Variants in IFT80 observed in about 807,000 individuals in gnomAD.
IFT80 encodes intraflagellar transport 80, also known as intraflagellar transport protein 80 homolog.
IFT80 carries 79 observed loss-of-function variants against 107.9 expected under a neutral mutation model. That is an observed-to-expected ratio of 0.73 (90% CI 0.61 to 0.88). The LOEUF (loss-of-function observed/expected upper bound fraction) is 0.88, where lower values mean the gene tolerates loss of function less well. Among genes scored for constraint, IFT80 ranks in the 40% least tolerant of loss-of-function variants. The pLI is 0.00. For missense variants in IFT80, 797 were observed against 914.2 expected (o/e 0.87, Z 1.65); for synonymous variants, 299 against 300.9 (o/e 0.99, Z 0.07).
intron 13 of IFT80, among the ~76,000 whole-genome samples, chr3:160,283,737 C>T (rs1714878465): frequency 6.6e-6 from 1 of 152,114 alleles, no homozygotes; most frequent in Non-Finnish European, 1.5e-5. Context: ...ATATGATTCT[C>T]CTAAGAAATT....
chr3:160,376,157 ACT>A (rs1332973626), intron 4 of IFT80, among the ~76,000 whole-genome samples: 1 of 152,182 alleles, frequency 6.6e-6, no homozygotes, highest in Admixed American at 6.5e-5. Flanking sequence ...ATCTTAGAAG[ACT>A]TGTAAGTATA....
chr3:160,291,859 C>T (rs535293655), intron 12 of IFT80, among the ~76,000 whole-genome samples: 20 of 152,270 alleles, frequency 1.3e-4, no homozygotes, highest in African/African-American at 2.6e-4. Context: ...TTGGAATTGA[C>T]GAGCAAATAC....
At chr3:160,324,732 C>T (rs1010473713) in intron 8 of IFT80, among the ~76,000 whole-genome samples, 2 of 152,106 alleles carry the variant, frequency 1.3e-5, no homozygotes, top group South Asian at 2.1e-4. Flanking sequence ...GACAGGGATG[C>T]CCTCTCTCAC....
intron 1 of IFT80, among the ~76,000 whole-genome samples, chr3:160,393,519 G>A (rs1713540522): frequency 6.6e-6 from 1 of 152,176 alleles, no homozygotes; most frequent in Non-Finnish European, 1.5e-5. Context: ...GGGGCTAGGG[G>A]AAGGAAGAAT....
chr3:160,357,609 T>G (rs368839047), intron 6 of IFT80, 31 bp from the exon 7 acceptor site: 60 of 1,436,602 alleles, frequency 4.2e-5, no homozygotes, highest in Admixed American at 1.2e-4. Context: ...ATATTAATTA[T>G]AAGTTTAAAA....
At chr3:160,384,410 C>A in intron 2 of IFT80, 154 bp downstream of exon 2, 1 of 1,326,904 alleles carries the variant, frequency 7.5e-7, no homozygotes, top group East Asian at 2.9e-5. Context: ...ACTTACAACA[C>A]ATGATCTTAA....
intron 8 of IFT80, among the ~76,000 whole-genome samples, chr3:160,346,242 A>T (rs1193376215): frequency 6.6e-6 from 1 of 152,198 alleles, no homozygotes; most frequent in Non-Finnish European, 1.5e-5. Flanking sequence ...AAAATTGTTA[A>T]AATAGAAGAT....
At chr3:160,286,335 T>C (rs188668054) in intron 12 of IFT80, among the ~76,000 whole-genome samples, 61 of 152,290 alleles carry the variant, frequency 4.0e-4, no homozygotes, top group African/African-American at 1.3e-3. Flanking sequence ...TACCCTACCA[T>C]ACAATGGGGT....
At chr3:160,387,372 C>A (rs527515188) in intron 1 of IFT80, among the ~76,000 whole-genome samples, 62 of 152,124 alleles carry the variant, frequency 4.1e-4, no homozygotes, top group African/African-American at 1.4e-3. Context: ...GGTGTGGTGG[C>A]GCATGCCTGT....
At chr3:160,347,860 T>A (rs766934657) in intron 8 of IFT80, among the ~76,000 whole-genome samples, 1 of 152,210 alleles carries the variant, frequency 6.6e-6, no homozygotes, top group Admixed American at 6.5e-5. Context: ...AAAACTGATA[T>A]GCATATATCT....
At chr3:160,288,276 T>A (rs948497968) in intron 12 of IFT80, among the ~76,000 whole-genome samples, 1 of 152,138 alleles carries the variant, frequency 6.6e-6, no homozygotes, top group African/African-American at 2.4e-5. Flanking sequence ...GAGCTTGCAG[T>A]GAGCCGAGCT....
chr3:160,378,527 C>A (rs1339083084), intron 3 of IFT80, among the ~76,000 whole-genome samples: 2 of 151,470 alleles, frequency 1.3e-5, no homozygotes, highest in Non-Finnish European at 2.9e-5. Context: ...AGAAAAAGAA[C>A]AGGTCTCTGT....
intron 8 of IFT80, among the ~76,000 whole-genome samples, chr3:160,333,314 G>A (rs1719218060): frequency 6.6e-6 from 1 of 151,978 alleles, no homozygotes; most frequent in African/African-American, 2.4e-5. Flanking sequence ...TATAAACACT[G>A]TATACTTAGG....
intron 8 of IFT80, among the ~76,000 whole-genome samples, chr3:160,325,293 A>C (rs540513736): frequency 7.9e-5 from 12 of 152,286 alleles, no homozygotes; most frequent in African/African-American, 2.6e-4. Context: ...TAAAGTTCAT[A>C]TGGAACCAAA....
At chr3:160,364,125 T>C (rs1208092709) in intron 6 of IFT80, among the ~76,000 whole-genome samples, 2 of 151,942 alleles carry the variant, frequency 1.3e-5, no homozygotes, top group African/African-American at 2.4e-5. Flanking sequence ...AGGGCTAATA[T>C]CCAGAATCTA....
chr3:160,363,721 G>A (rs945736243), intron 6 of IFT80, among the ~76,000 whole-genome samples: 1 of 152,140 alleles, frequency 6.6e-6, no homozygotes, highest in Non-Finnish European at 1.5e-5. Flanking sequence ...ACAACCATCT[G>A]ATCTTTGACA....
intron 18 of IFT80, among the ~76,000 whole-genome samples, chr3:160,270,708 C>T (rs577610441): frequency 2.0e-5 from 3 of 152,284 alleles, no homozygotes; most frequent in Middle Eastern, 3.4e-3. Context: ...AGTAAAGATG[C>T]CTCAGTTCTG....
rs1712455670 is a variant in IFT80 at position 160,257,452 on chromosome 3, CTAAA to C, written c.*1069_*1072del. The C allele has an allele frequency of 6.6e-6, 1 of 152,050 alleles. No individual in the cohort carries two copies. The allele number at this position is 152,050 out of a possible 1,614,324, so 9.4% of individuals were successfully genotyped here. ...TATGTGGTAATAACTTTGGGATACA[CTAAA>C]TAGAGTAATCAAACAAGTTTGTCAC... On this transcript the variant is annotated 3_prime_UTR_variant, in exon 20 of 20. Coordinates refer to ENST00000326448, the MANE Select transcript of IFT80 (RefSeq NM_020800.3).
intron 13 of IFT80, 25 bp from the exon 14 acceptor site, chr3:160,282,638 A>T (rs1387863811): frequency 1.4e-6 from 2 of 1,420,150 alleles, no homozygotes; most frequent in Non-Finnish European, 9.9e-7. Context: ...AAATGTAAAT[A>T]CTGGGTTAGT....
Sources: gnomAD v4.1 joint callset for allele counts (sites outside exome capture counted in the v4.1 genomes callset) on GRCh38, gnomAD v4.1.1 for gene constraint, MANE v1.5 for transcripts, NCBI Gene and HGNC (gene_info 2026-07-23, HGNC 2026-07-21) for gene names.